Variants in PRPF39 observed in about 807,000 individuals in gnomAD.
PRPF39 encodes pre-mRNA processing factor 39, also known as pre-mRNA-processing factor 39.
PRPF39 carries 27 observed loss-of-function variants against 82.1 expected under a neutral mutation model. That is an observed-to-expected ratio of 0.33 (90% confidence interval 0.24 to 0.45). PRPF39 has a LOEUF of 0.45. Ranked by LOEUF, PRPF39 falls within the 20% of genes least tolerant of loss-of-function variation. The pLI, the probability that PRPF39 is intolerant of heterozygous loss-of-function variation, is 1.00. For synonymous variants in PRPF39, 261 were observed against 256.4 expected, an observed-to-expected ratio of 1.02 and a Z score of -0.17; for missense variants, 581 against 796.9, an observed-to-expected ratio of 0.73 and a Z score of 3.26.
intron 5 of PRPF39, among the ~76,000 whole-genome samples, chr14:45,105,378 A>C (rs1030228263): frequency 6.6e-6 from 1 of 152,068 alleles, no homozygotes; most frequent in Non-Finnish European, 1.5e-5. Context: ...TTCATACTAC[A>C]TATTTGAGAG....
intron 1 of PRPF39, among the ~76,000 whole-genome samples, chr14:45,091,227 C>G (rs1409051795): frequency 2.0e-5 from 3 of 152,154 alleles, no homozygotes; most frequent in African/African-American, 7.2e-5. Flanking sequence ...CAGCCTTGAA[C>G]TACTGGATGA....
chr14:45,091,168 T>G (rs375674890), intron 1 of PRPF39, among the ~76,000 whole-genome samples: 2 of 152,244 alleles, frequency 1.3e-5, no homozygotes, highest in South Asian at 2.1e-4. Flanking sequence ...TAATAGAATC[T>G]TGCTCTGTCT....
intron 8 of PRPF39, 143 bp from the exon 9 acceptor site, chr14:45,109,951 C>G: frequency 6.5e-7 from 1 of 1,543,096 alleles, no homozygotes; most frequent in East Asian, 2.3e-5. Context: ...CGTTGCCTCT[C>G]TTCGTCCTTC....
intron 1 of PRPF39, among the ~76,000 whole-genome samples, chr14:45,087,899 T>C (rs1566689011): frequency 6.6e-6 from 1 of 152,114 alleles, no homozygotes; most frequent in Non-Finnish European, 1.5e-5. Flanking sequence ...ATAAGTGTTC[T>C]TCTGGCCTCT....
chr14:45,095,647 T>A, intron 2 of PRPF39, 84 bp downstream of exon 2: 5 of 1,407,874 alleles, frequency 3.6e-6, no homozygotes, highest in Non-Finnish European at 4.7e-6. Flanking sequence ...TTATTGTTTA[T>A]GATTAAAATT....
intron 4 of PRPF39, among the ~76,000 whole-genome samples, chr14:45,101,809 CTTT>C (rs34278709): frequency 3.6e-5 from 5 of 137,646 alleles, no homozygotes; most frequent in African/African-American, 2.7e-5. Context: ...TATATGTATA[CTTT>C]TTTTTTTTTT....
chr14:45,087,563 T>G (rs1197291049), intron 1 of PRPF39, among the ~76,000 whole-genome samples: 1 of 134,836 alleles, frequency 7.4e-6, no homozygotes, highest in African/African-American at 2.6e-5. Context: ...CAGAAGACTG[T>G]TTTTTTTTTG....
chr14:45,092,483 C>T (rs1222888942), intron 1 of PRPF39, among the ~76,000 whole-genome samples: 3 of 151,836 alleles, frequency 2.0e-5, no homozygotes, highest in Non-Finnish European at 2.9e-5. Context: ...TGCCTGTAGT[C>T]CCAGCTACTC....
chr14:45,108,370 G>A (rs750285342), intron 6 of PRPF39, 45 bp from the exon 7 acceptor site: 1 of 1,527,276 alleles, frequency 6.5e-7, no homozygotes, highest in Non-Finnish European at 8.7e-7. Context: ...AAAATTTTCA[G>A]TATACAGTTT....
intron 1 of PRPF39, among the ~76,000 whole-genome samples, chr14:45,086,016 T>C (rs1231074819): frequency 5.3e-5 from 8 of 151,890 alleles, no homozygotes. Flanking sequence ...CGCTATTGGC[T>C]CACCGCAACC....
At chr14:45,084,564 C>T (rs542288807) in intron 1 of PRPF39, among the ~76,000 whole-genome samples, 3 of 152,260 alleles carry the variant, frequency 2.0e-5, no homozygotes, top group South Asian at 4.2e-4. Flanking sequence ...CCTTGCTTCT[C>T]CCGGAGCTGG....
At chr14:45,098,438 C>T (rs540677983) in intron 4 of PRPF39, among the ~76,000 whole-genome samples, 1 of 149,402 alleles carries the variant, frequency 6.7e-6, no homozygotes, top group African/African-American at 2.5e-5. Context: ...CAGAGCAAGA[C>T]CCTGTCTCAA....
chr14:45,096,598 G>A (rs1312681149), intron 3 of PRPF39: 2 of 1,451,798 alleles, frequency 1.4e-6, no homozygotes, highest in South Asian at 1.2e-5. Context: ...TTGGTCAGAC[G>A]CTGTCATTGA....
intron 4 of PRPF39, among the ~76,000 whole-genome samples, chr14:45,098,868 C>A (rs1302377762): frequency 6.6e-6 from 1 of 152,140 alleles, no homozygotes; most frequent in East Asian, 1.9e-4. Flanking sequence ...TCATGTCCAA[C>A]TTTTAGAAGA....
chr14:45,087,567 T>G (rs1883872664), intron 1 of PRPF39, among the ~76,000 whole-genome samples: 1 of 151,574 alleles, frequency 6.6e-6, no homozygotes, highest in Non-Finnish European at 1.5e-5. Context: ...AGACTGTTTT[T>G]TTTTTGTTTT....
At chr14:45,092,384 T>C (rs1304308481) in intron 1 of PRPF39, among the ~76,000 whole-genome samples, 2 of 151,930 alleles carry the variant, frequency 1.3e-5, no homozygotes, top group African/African-American at 2.4e-5. Flanking sequence ...AGGCGGATCA[T>C]GAGGTCAGGA....
At chr14:45,109,058 T>A (rs994230384) in intron 7 of PRPF39, among the ~76,000 whole-genome samples, 3 of 152,202 alleles carry the variant, frequency 2.0e-5, no homozygotes, top group African/African-American at 7.2e-5. Flanking sequence ...TAGTTGTCAC[T>A]ACCCCTACCT....
rs527989667 is a variant in PRPF39 at position 45,114,695 on chromosome 14, T to G, written c.1953+81T>G. ...ATAGTTTCTTTTTTTTTAAAAAAAG[T>G]TTTTGTTCCAATTGTGTAATACATT... On this transcript the variant is annotated intron_variant, in intron 13 of 13. Transcript: ENST00000355765. 1,115 of 1,498,468 alleles carry G rather than the reference T, an allele frequency of 7.4e-4. 2 individuals carry two copies. The highest frequency in any genetic ancestry group is 9.2e-4 in the Non-Finnish European group (1,017 of 1,109,174). 92.8% of individuals were successfully genotyped at this position (1,498,468 alleles called of 1,614,324 possible).
intron 2 of PRPF39, chr14:45,095,865 A>G (rs951064768): frequency 6.4e-6 from 3 of 470,846 alleles, no homozygotes; most frequent in Middle Eastern, 6.1e-4. Context: ...GTTTAGAAGA[A>G]AAAGGGGGCT....
Sources: allele counts gnomAD v4.1 joint callset (sites outside exome capture counted in the v4.1 genomes callset), GRCh38; gene constraint gnomAD v4.1.1; transcripts MANE v1.5; gene names NCBI Gene and HGNC (gene_info 2026-07-23, HGNC 2026-07-21).